The following ZBBX variants were observed in gnomAD, a reference collection of about 807,000 sequenced individuals.
ZBBX encodes zinc finger B-box domain containing.
ZBBX carries 101 observed loss-of-function variants against 108.5 expected under a neutral mutation model. The ratio of observed to expected loss-of-function variants is 0.93; its 90% confidence interval spans 0.79 to 1.10. ZBBX has a LOEUF of 1.10. ZBBX is among the 50% of genes least tolerant of loss of function. The pLI is 0.00. For synonymous variants in ZBBX, 356 were observed against 323.4 expected, an observed-to-expected ratio of 1.10 and a Z score of -1.08; for missense variants, 1,009 against 941.4, an observed-to-expected ratio of 1.07 and a Z score of -0.94.
At chr3:167,352,926 C>T (rs1742924769) in intron 8 of ZBBX, among the ~76,000 whole-genome samples, 1 of 152,102 alleles carries the variant, frequency 6.6e-6, no homozygotes. Flanking sequence ...TTCAGCATCA[C>T]TCCATGATAA....
the ZBBX span, among the ~76,000 whole-genome samples, chr3:167,231,997 A>G: frequency 1.3e-5 from 2 of 151,870 alleles, no homozygotes; most frequent in Non-Finnish European, 2.9e-5. Context: ...CTATACAATG[A>G]AAAATTGGCC....
intron 20 of ZBBX, among the ~76,000 whole-genome samples, chr3:167,274,892 G>A (rs1266920080): frequency 6.6e-6 from 1 of 152,186 alleles, no homozygotes; most frequent in Non-Finnish European, 1.5e-5. Flanking sequence ...GGTGTCCTTT[G>A]TTCAGTGTGC....
the ZBBX span, among the ~76,000 whole-genome samples, chr3:167,194,323 G>A: frequency 6.7e-3 from 1,007 of 151,028 alleles, 5 homozygotes; most frequent in African/African-American, 0.023. Context: ...ATCTCCCCTT[G>A]GAATTCAGTC....
chr3:167,193,715 G>T, the ZBBX span, among the ~76,000 whole-genome samples: 3 of 152,012 alleles, frequency 2.0e-5, no homozygotes, highest in African/African-American at 7.2e-5. Flanking sequence ...CCAAAATATG[G>T]AATTAACCTA....
At position 167,239,993 on chromosome 3, in the gene ZBBX, T is replaced by A. The variant is rs150435012; in HGVS notation, c.*800A>T. Among the ~76,000 whole-genome samples the A allele has an allele frequency of 2.0e-3, 307 of 152,206 alleles. 1 individual carries two copies. Among genetic ancestry groups the A allele is most frequent in the African/African-American group, 7.3e-3 (304 of 41,552 alleles). On this transcript the variant is annotated 3_prime_UTR_variant, in exon 22 of 22. Coordinates refer to ENST00000675490, the MANE Select transcript of ZBBX (RefSeq NM_001199201.2). ...GAGCAAAAGGGGGGACAGCCCCTTA[T>A]AAAACCATCAGATCACATGAGAACT...
chr3:167,399,874 T>G (rs1356654897), intron 1 of ZBBX, among the ~76,000 whole-genome samples: 2 of 152,052 alleles, frequency 1.3e-5, no homozygotes, highest in African/African-American at 4.8e-5. Context: ...CCCTTTCTCC[T>G]CTAGTAGTCC....
rs1031404125 is a variant in ZBBX at position 167,288,837 on chromosome 3, A to G, written c.1996+30T>C. 3 of 1,463,638 alleles carry G rather than the reference A, an allele frequency of 2.0e-6. No homozygotes were observed. The African/African-American group carries it at 4.2e-5, about 20-fold the overall frequency. The allele number at this position is 1,463,638 out of a possible 1,614,324, so 90.7% of individuals were successfully genotyped here. On this transcript the variant is annotated intron_variant, in intron 19 of 21. Transcript: ENST00000675490. ...CTACTAAAGGAAGTAAGCTGCCAACATGGCACTGCTGCCTTTGAGTCAATG... is the reference window on the plus strand; with the variant it reads ...CTACTAAAGGAAGTAAGCTGCCAACGTGGCACTGCTGCCTTTGAGTCAATG...
intron 9 of ZBBX, among the ~76,000 whole-genome samples, chr3:167,340,819 G>A (rs1396692993): frequency 1.3e-5 from 2 of 151,804 alleles, no homozygotes; most frequent in African/African-American, 2.4e-5. Context: ...TTGAGGAAAA[G>A]CCCCCATCTA....
chr3:167,360,687 C>A lies in ZBBX; in HGVS notation c.310G>T (p.Glu104Ter). 3 of 1,383,990 alleles carry A rather than the reference C, an allele frequency of 2.2e-6. No homozygotes were observed. 85.7% of individuals were successfully genotyped at this position (1,383,990 alleles called of 1,614,324 possible). ...ATAAATTATTTACCTTGAATCTGTT[C>A]CTTCAGCAATTTTAATTTCACTTTT... is the stretch of plus-strand genomic sequence containing the variant. The part of the protein sequence containing the change: ...AGKVKLKLLK[E>*]QIQEPVKPTV... Residue 104 changes from glutamate to a stop codon, truncating the protein, a stop_gained, in exon 7 of 22, where the codon GAA becomes TAA. Transcript: ENST00000675490. LOFTEE classifies it high-confidence loss of function.
chr3:167,396,578 T>C (rs1311268315), intron 1 of ZBBX, among the ~76,000 whole-genome samples: 1 of 152,124 alleles, frequency 6.6e-6, no homozygotes, highest in Non-Finnish European at 1.5e-5. Flanking sequence ...TTGTATTGCT[T>C]TGTTTTGTTG....
At chr3:167,225,651 A>G in the ZBBX span, among the ~76,000 whole-genome samples, 9 of 151,710 alleles carry the variant, frequency 5.9e-5, no homozygotes, top group African/African-American at 2.2e-4. Context: ...TTCTCTATAT[A>G]CTATGCATCT....
intron 10 of ZBBX, among the ~76,000 whole-genome samples, chr3:167,328,655 C>T (rs1737845153): frequency 6.6e-6 from 1 of 152,056 alleles, no homozygotes; most frequent in Non-Finnish European, 1.5e-5. Flanking sequence ...CACCCTGTAC[C>T]AGCTAGTCTC....
chr3:167,223,478 G>C, the ZBBX span, among the ~76,000 whole-genome samples: 1 of 151,826 alleles, frequency 6.6e-6, no homozygotes, highest in Non-Finnish European at 1.5e-5. Flanking sequence ...AGTCTTAAAG[G>C]CTGAAATTTA....
At chr3:167,279,943 G>A (rs535899501) in intron 20 of ZBBX, among the ~76,000 whole-genome samples, 297 of 151,540 alleles carry the variant, frequency 2.0e-3, no homozygotes, top group Non-Finnish European at 2.4e-3. Flanking sequence ...AAATAACGCC[G>A]CATATCTACA....
At chr3:167,336,229 G>T in intron 9 of ZBBX, among the ~76,000 whole-genome samples, 1 of 151,578 alleles carries the variant, frequency 6.6e-6, no homozygotes, top group African/African-American at 2.4e-5. Flanking sequence ...AACATTTTTA[G>T]GTAGCATATT....
At chr3:167,193,048 C>T in the ZBBX span, among the ~76,000 whole-genome samples, 1 of 152,076 alleles carries the variant, frequency 6.6e-6, no homozygotes, top group Admixed American at 6.6e-5. Flanking sequence ...ACACCTATGT[C>T]TTTGCATTGA....
At chr3:167,274,639 C>G (rs1727154664) in intron 20 of ZBBX, among the ~76,000 whole-genome samples, 1 of 152,190 alleles carries the variant, frequency 6.6e-6, no homozygotes, top group Admixed American at 6.5e-5. Context: ...AAACAGCCTA[C>G]CCCCTTCCCG....
chr3:167,379,188 G>T (rs1747433788), intron 2 of ZBBX, among the ~76,000 whole-genome samples: 1 of 151,802 alleles, frequency 6.6e-6, no homozygotes, highest in South Asian at 2.1e-4. Flanking sequence ...GTTTCCTAAC[G>T]ATCTTGATGA....
the ZBBX span, among the ~76,000 whole-genome samples, chr3:167,191,935 A>ATATATATATATATATATATG: frequency 1.5e-5 from 2 of 130,250 alleles, no homozygotes; most frequent in African/African-American, 6.7e-5. Context: ...ATATATATAT[A>ATATATATATATATATATATG]GAGCAAGTTA....
Sources: allele counts gnomAD v4.1 joint callset (sites outside exome capture counted in the v4.1 genomes callset), GRCh38; gene constraint gnomAD v4.1.1; transcripts MANE v1.5; gene names NCBI Gene and HGNC (gene_info 2026-07-23, HGNC 2026-07-21).